The following NCOA6 variants were observed in gnomAD, a reference collection of about 807,000 sequenced individuals.
NCOA6 encodes the protein nuclear receptor coactivator 6, also known as NRC RAP250.
In NCOA6, 49 loss-of-function variants were observed where a neutral mutation model predicts 171.4. The ratio of observed to expected loss-of-function variants is 0.29; its 90% CI spans 0.23 to 0.36. The LOEUF is 0.36. Among genes scored for constraint, NCOA6 ranks in the 10% least tolerant of loss-of-function variants. NCOA6 has a pLI of 1.00. For synonymous variants in NCOA6, 910 were observed against 927.5 expected (o/e 0.98, Z 0.34); for missense variants, 2,248 against 2,554.5 (o/e 0.88, Z 2.59).
rs974894806 is a variant in NCOA6, at chr20:34,754,668, G to A, written c.1675+54C>T. ...TCTGTATACTCCTGTTGTCTATCAA[G>A]TCTACGACACAATGCTCAATAAATG... On this transcript the variant is annotated intron_variant, in intron 8 of 14. Transcript: ENST00000359003. 13 of 1,606,424 alleles carry A rather than the reference G, an allele frequency of 8.1e-6. No homozygotes were observed. The Admixed American group carries it at 1.7e-4, about 21-fold the overall frequency.
At chr20:34,816,140 C>T (rs1202740169) in intron 1 of NCOA6, among the ~76,000 whole-genome samples, 1 of 152,136 alleles carries the variant, frequency 6.6e-6, no homozygotes, top group African/African-American at 2.4e-5. Flanking sequence ...TCCATCATTC[C>T]TTTGGTTACT....
At chr20:34,817,074 G>T (rs1490779387) in intron 1 of NCOA6, among the ~76,000 whole-genome samples, 2 of 149,436 alleles carry the variant, frequency 1.3e-5, no homozygotes, top group Non-Finnish European at 3.0e-5. Context: ...AATGAGCCAA[G>T]ATCTCACCAC....
chr20:34,816,036 T>C (rs2078824097), intron 1 of NCOA6, among the ~76,000 whole-genome samples: 1 of 152,158 alleles, frequency 6.6e-6, no homozygotes, highest in Admixed American at 6.6e-5. Flanking sequence ...CCCAAGAAAG[T>C]ACGTCGGCTT....
chr20:34,723,658 G>A (rs1319336274), intron 14 of NCOA6, among the ~76,000 whole-genome samples: 5 of 152,124 alleles, frequency 3.3e-5, no homozygotes, highest in East Asian at 1.9e-4. Flanking sequence ...CCACTGCCAC[G>A]GTGGGACAAT....
In NCOA6 at chr20:34,757,466, G is replaced by A; in HGVS notation, c.1282C>T (p.Pro428Ser). ...TGGAAGGAGGAGGGTGAGGAGGCAG[G>A]AGACTTGTTGGTGAGGTGGGGCTGC... The part of the protein sequence containing the change: ...LQQPHLTNKS[P>S]ASSPSSFQQG... Residue 428 changes from proline (P) to serine (S), a missense_variant, in exon 7 of 15, where the codon CCT becomes TCT. Coordinates refer to ENST00000359003, the MANE Select transcript of NCOA6 (RefSeq NM_014071.5). 1 of 1,613,964 alleles carries A rather than the reference G, an allele frequency of 6.2e-7. No individual in the cohort carries two copies. Among genetic ancestry groups the A allele is most frequent in the Non-Finnish European group, 8.5e-7 (1 of 1,179,880 alleles).
chr20:34,797,903 A>C (rs2078131005), intron 1 of NCOA6, among the ~76,000 whole-genome samples: 1 of 152,030 alleles, frequency 6.6e-6, no homozygotes, highest in Non-Finnish European at 1.5e-5. Flanking sequence ...TACCAGAGAC[A>C]CTAAGCTACA....
intron 1 of NCOA6, among the ~76,000 whole-genome samples, chr20:34,801,386 C>T (rs2078249747): frequency 6.6e-6 from 1 of 151,888 alleles, no homozygotes; most frequent in Admixed American, 6.6e-5. Context: ...TGAAAGAATA[C>T]ACAAGATCAG....
At chr20:34,723,567 C>T (rs1479466629) in intron 14 of NCOA6, among the ~76,000 whole-genome samples, 1 of 152,194 alleles carries the variant, frequency 6.6e-6, no homozygotes, top group Non-Finnish European at 1.5e-5. Flanking sequence ...TGCAAGATCA[C>T]AAAGCCTGAG....
chr20:34,751,376 C>CAAAAAAAAAAAAAAAAAACAAAAAAAA (rs2076478977), intron 8 of NCOA6, among the ~76,000 whole-genome samples: 1 of 68,294 alleles, frequency 1.5e-5, no homozygotes, highest in Non-Finnish European at 2.8e-5. Flanking sequence ...GACTCCGTCT[C>CAAAAAAAAAAAAAAAAAACAAAAAAAA]AAAAAAAAAA....
intron 1 of NCOA6, among the ~76,000 whole-genome samples, chr20:34,799,250 A>G (rs991125176): frequency 1.3e-5 from 2 of 152,208 alleles, no homozygotes; most frequent in Non-Finnish European, 1.5e-5. Flanking sequence ...AGAAGAAGAA[A>G]AAAATGGTGA....
intron 1 of NCOA6, among the ~76,000 whole-genome samples, chr20:34,801,551 C>T (rs2078255669): frequency 6.6e-6 from 1 of 152,130 alleles, no homozygotes; most frequent in Admixed American, 6.5e-5. Context: ...TCGTTAGAGG[C>T]TACTATAAGC....
chr20:34,741,776 G>T lies in NCOA6; in HGVS notation c.4480C>A (p.Leu1494Ile), dbSNP rs1600809886. The T allele has an allele frequency of 6.2e-7, 1 of 1,614,196 alleles. No homozygotes were observed. The highest frequency in any genetic ancestry group is 2.2e-5 in the East Asian group (1 of 44,884). The change falls in exon 11 of 15, where the codon CTT becomes ATT. Residue 1494 changes from leucine (L) to isoleucine (I), a missense_variant. This residue lies in a region of NCOA6 where 884 missense variants were observed against 941.9 expected (regional missense o/e 0.94). Transcript: ENST00000359003. Reference sequence around the variant, plus strand: ...TTGGGAGCTCCAGAGTTGTCAAGAAGTTGACTTAACGATGTTGGTGCTTCC... The same window carrying T: ...TTGGGAGCTCCAGAGTTGTCAAGAATTTGACTTAACGATGTTGGTGCTTCC... ...MREAPTSLSQ[L>I]LDNSGAPNVT...
rs1218184548 is a variant in NCOA6, at chr20:34,778,691, G to GC, written c.236-2244dup. Among the ~76,000 whole-genome samples, 3 of 152,034 alleles carry GC rather than the reference G, an allele frequency of 2.0e-5. No homozygotes were observed. In the East Asian group the frequency reaches 5.8e-4, roughly 29 times the overall value. On this transcript the variant is annotated intron_variant, in intron 3 of 14. Coordinates refer to ENST00000359003, the MANE Select transcript of NCOA6 (RefSeq NM_014071.5). ...TCCACCTGCCTCGGCCTCCCAAAGTGCTGGGATTGCAGGCATGAGCCACCA... is the reference window on the plus strand; with the variant it reads ...TCCACCTGCCTCGGCCTCCCAAAGTGCCTGGGATTGCAGGCATGAGCCACCA...
At chr20:34,823,618 G>C (rs2079069746) in intron 1 of NCOA6, among the ~76,000 whole-genome samples, 1 of 151,996 alleles carries the variant, frequency 6.6e-6, no homozygotes, top group Non-Finnish European at 1.5e-5. Context: ...TAGAGACTCT[G>C]GGTGTCTACA....
intron 13 of NCOA6, among the ~76,000 whole-genome samples, chr20:34,729,579 G>C (rs1332132448): frequency 6.6e-6 from 1 of 151,212 alleles, no homozygotes; most frequent in Non-Finnish European, 1.5e-5. Flanking sequence ...AAACAATACT[G>C]GTCAAAAGGC....
chr20:34,762,408 A>C lies in NCOA6; in HGVS notation c.515-3475T>G, dbSNP rs1285148593. ...CATTTCCTTTTTATCAGTGTTCATA[A>C]TCCATTTACCTTTATTGTTTACTAG... On this transcript the variant is annotated intron_variant, in intron 5 of 14. Coordinates refer to ENST00000359003, the MANE Select transcript of NCOA6 (RefSeq NM_014071.5). Among the ~76,000 whole-genome samples, 2 of 152,026 alleles carry C rather than the reference A, an allele frequency of 1.3e-5. 1 individual carries two copies. The highest frequency in any genetic ancestry group is 3.9e-4 in the East Asian group (2 of 5,192).
At chr20:34,804,727 TATA>T in intron 1 of NCOA6, among the ~76,000 whole-genome samples, 1 of 152,212 alleles carries the variant, frequency 6.6e-6, no homozygotes, top group South Asian at 2.1e-4. Flanking sequence ...CACATAACTG[TATA>T]TATACATGGG....
Position 34,732,461 on chromosome 20 carries a change from G to A in NCOA6, c.5999+98C>T. 2.5e-6 allele frequency: 3 copies of A among 1,189,336 alleles called. No individual in the cohort carries two copies. In the Admixed American group the frequency reaches 5.9e-5, roughly 23 times the overall value. The allele number at this position is 1,189,336 out of a possible 1,614,324, so 73.7% of individuals were successfully genotyped here. On this transcript the variant is annotated intron_variant, in intron 13 of 14. Coordinates refer to ENST00000359003, the MANE Select transcript of NCOA6 (RefSeq NM_014071.5). ...AGACTGGTGCAAGAGTGAAGGAAAA[G>A]GACAAGGTGAAGAGAGGTTTAAAGA...
chr20:34,746,483 T>G (rs1008667258), intron 10 of NCOA6, among the ~76,000 whole-genome samples: 1 of 152,212 alleles, frequency 6.6e-6, no homozygotes, highest in African/African-American at 2.4e-5. Flanking sequence ...GCTCAAGCGA[T>G]CTGCTCATCT....
Sources: allele counts gnomAD v4.1 joint callset (sites outside exome capture counted in the v4.1 genomes callset), GRCh38; gene constraint gnomAD v4.1.1; regional missense constraint gnomAD v4.1.1; transcripts MANE v1.5; gene names NCBI Gene and HGNC (gene_info 2026-07-23, HGNC 2026-07-21).